Variants in HMGA2 observed in about 807,000 individuals in gnomAD.
HMGA2 encodes high mobility group AT-hook 2.
HMGA2 carries 8 observed loss-of-function variants against 19.1 expected under a neutral mutation model. The observed-to-expected ratio is 0.42, with a 90% confidence interval of 0.25 to 0.76. HMGA2 has a LOEUF of 0.76. Among genes scored for constraint, HMGA2 ranks in the 30% least tolerant of loss-of-function variants. The pLI, the probability that HMGA2 is intolerant of heterozygous loss-of-function variation, is 0.28. For synonymous variants in HMGA2, 60 were observed against 48.8 expected, an observed-to-expected ratio of 1.23 and a Z score of -0.96; for missense variants, 109 against 136.3, an observed-to-expected ratio of 0.80 and a Z score of 1.00.
intron 3 of HMGA2, among the ~76,000 whole-genome samples, chr12:65,849,327 C>T (rs1003258008): frequency 1.3e-5 from 2 of 152,142 alleles, no homozygotes; most frequent in East Asian, 1.9e-4. Flanking sequence ...ATGAACATGG[C>T]CATCTCTGTG....
intron 3 of HMGA2, among the ~76,000 whole-genome samples, chr12:65,845,091 T>C (rs913817094): frequency 6.6e-6 from 1 of 152,194 alleles, no homozygotes; most frequent in Non-Finnish European, 1.5e-5. Flanking sequence ...TAAGTATTTA[T>C]GGATGGTAGT....
chr12:65,922,849 G>A lies in HMGA2; in HGVS notation c.250-28534G>A, dbSNP rs1017122243. Among the ~76,000 whole-genome samples the A allele has an allele frequency of 4.6e-5, 7 of 152,298 alleles. No homozygotes were observed. In the South Asian group the frequency reaches 8.3e-4, roughly 18 times the overall value. On this transcript the variant is annotated intron_variant, in intron 3 of 4. Coordinates refer to ENST00000403681, the MANE Select transcript of HMGA2 (RefSeq NM_003483.6). Reference sequence around the variant, plus strand: ...TTTCCTGTGCTATTCTCATGATAGTGAATAAGTCTTATGAGATCTGATAGG... The same window carrying A: ...TTTCCTGTGCTATTCTCATGATAGTAAATAAGTCTTATGAGATCTGATAGG...
chr12:65,831,420 G>A (rs1290945900), intron 2 of HMGA2, among the ~76,000 whole-genome samples: 1 of 150,848 alleles, frequency 6.6e-6, no homozygotes, highest in African/African-American at 2.4e-5. Context: ...TTTTTTCTGA[G>A]GTTGAATTAA....
intron 3 of HMGA2, among the ~76,000 whole-genome samples, chr12:65,892,386 G>A (rs1305544582): frequency 6.6e-6 from 1 of 152,190 alleles, no homozygotes; most frequent in Non-Finnish European, 1.5e-5. Context: ...TTTATTGCTT[G>A]AGTCACTCCC....
intron 3 of HMGA2, among the ~76,000 whole-genome samples, chr12:65,924,629 C>A (rs552263135): frequency 6.6e-6 from 1 of 152,258 alleles, no homozygotes; most frequent in East Asian, 1.9e-4. Flanking sequence ...GAAAACCCAT[C>A]TCTACTAAAA....
At chr12:65,963,200 A>G in intron 4 of HMGA2, 45 bp from the exon 5 acceptor site, 1 of 1,589,680 alleles carries the variant, frequency 6.3e-7, no homozygotes, top group Non-Finnish European at 8.6e-7. Context: ...CAGCCCACAC[A>G]GTATAACGAT....
intron 3 of HMGA2, among the ~76,000 whole-genome samples, chr12:65,872,840 G>A (rs752874449): frequency 1.3e-5 from 2 of 152,180 alleles, no homozygotes; most frequent in Non-Finnish European, 2.9e-5. Flanking sequence ...ACCCAAGGAA[G>A]TCTGAACTTC....
rs1180942808 is a variant in HMGA2 at position 65,888,554 on chromosome 12, C to CTTTTTTTTTTT, written c.249+50002_249+50012dup. Among the ~76,000 whole-genome samples, 2 of 40,578 alleles carry CTTTTTTTTTTT rather than the reference C, an allele frequency of 4.9e-5. 1 individual carries two copies. Among genetic ancestry groups the CTTTTTTTTTTT allele is most frequent in the African/African-American group, 2.0e-4 (2 of 9,948 alleles). 26.6% of individuals were successfully genotyped at this position (40,578 alleles called of 152,430 possible). On this transcript the variant is annotated intron_variant, in intron 3 of 4. Coordinates refer to ENST00000403681, the MANE Select transcript of HMGA2 (RefSeq NM_003483.6). ...AGGAATAGAGTGCCCGTGGTGTGCTCTTTTTTTTTTTTTTTTTTTTTTTTT... is the reference window on the plus strand; with the variant it reads ...AGGAATAGAGTGCCCGTGGTGTGCTCTTTTTTTTTTTTTTTTTTTTTTTTTTTTTTTTTTTT...
intron 2 of HMGA2, among the ~76,000 whole-genome samples, chr12:65,834,371 G>A (rs868796736): frequency 6.6e-6 from 1 of 152,176 alleles, no homozygotes; most frequent in Non-Finnish European, 1.5e-5. Flanking sequence ...TTTGGGAATT[G>A]TAACACATCC....
At chr12:65,943,864 G>A (rs187929084) in intron 3 of HMGA2, among the ~76,000 whole-genome samples, 9 of 152,252 alleles carry the variant, frequency 5.9e-5, no homozygotes, top group Admixed American at 4.6e-4. Flanking sequence ...CCTAACCTAG[G>A]CTTTTTCTAG....
At chr12:65,941,207 C>T (rs574980299) in intron 3 of HMGA2, among the ~76,000 whole-genome samples, 4 of 152,050 alleles carry the variant, frequency 2.6e-5, no homozygotes, top group South Asian at 4.2e-4. Context: ...GAAGACAAGA[C>T]GAATGAAGTA....
intron 3 of HMGA2, among the ~76,000 whole-genome samples, chr12:65,915,985 T>G (rs2121228118): frequency 6.6e-6 from 1 of 152,088 alleles, no homozygotes; most frequent in South Asian, 2.1e-4. Flanking sequence ...ACCATCAGTC[T>G]TAAATAATCT....
At chr12:65,844,484 A>T (rs1479424868) in intron 3 of HMGA2, among the ~76,000 whole-genome samples, 2 of 152,230 alleles carry the variant, frequency 1.3e-5, no homozygotes, top group African/African-American at 4.8e-5. Flanking sequence ...AAAATTCACT[A>T]AAGAGATTAT....
intron 3 of HMGA2, among the ~76,000 whole-genome samples, chr12:65,850,508 G>T (rs1871414646): frequency 2.0e-5 from 3 of 151,548 alleles, no homozygotes; most frequent in Admixed American, 2.0e-4. Flanking sequence ...AGTATGAAGA[G>T]ACCGAATTTT....
At position 65,964,233 on chromosome 12, in the gene HMGA2, T is replaced by C. The variant is rs1876837472; in HGVS notation, c.*941T>C. On this transcript the variant is annotated 3_prime_UTR_variant, in exon 5 of 5. Transcript: ENST00000403681. ...ATGATGAACTCACCTAATTATGAGG[T>C]GGGAGGAGCGAAATCTAAATTTCTT... The C allele has an allele frequency of 5.0e-6, 1 of 201,836 alleles. No homozygotes were observed. The highest frequency in any genetic ancestry group is 1.0e-5 in the Non-Finnish European group (1 of 99,042). 12.5% of individuals were successfully genotyped at this position (201,836 alleles called of 1,614,324 possible).
intron 3 of HMGA2, among the ~76,000 whole-genome samples, chr12:65,870,624 G>T (rs1872663498): frequency 6.6e-6 from 1 of 152,208 alleles, no homozygotes; most frequent in African/African-American, 2.4e-5. Flanking sequence ...CAGCTACTTG[G>T]AGGCTGAGGC....
At chr12:65,889,873 T>A (rs895901075) in intron 3 of HMGA2, among the ~76,000 whole-genome samples, 1 of 152,134 alleles carries the variant, frequency 6.6e-6, no homozygotes, top group African/African-American at 2.4e-5. Context: ...AATTGTACTG[T>A]TTTGCTTCCT....
intron 3 of HMGA2, among the ~76,000 whole-genome samples, chr12:65,908,856 C>G (rs1311734662): frequency 6.6e-6 from 1 of 152,116 alleles, no homozygotes; most frequent in Non-Finnish European, 1.5e-5. Flanking sequence ...TTTTTTGTTA[C>G]AAAACTCTAA....
chr12:65,833,154 A>T (rs1439041918), intron 2 of HMGA2, among the ~76,000 whole-genome samples: 1 of 152,124 alleles, frequency 6.6e-6, no homozygotes, highest in Admixed American at 6.5e-5. Flanking sequence ...TTCAAGGCTA[A>T]AAGTGTTGCA....
Sources: gnomAD v4.1 joint callset for allele counts (sites outside exome capture counted in the v4.1 genomes callset) on GRCh38, gnomAD v4.1.1 for gene constraint, MANE v1.5 for transcripts, NCBI Gene and HGNC (gene_info 2026-07-23, HGNC 2026-07-21) for gene names.